Variants in GEMIN6 observed in about 807,000 individuals in gnomAD.
The protein encoded by GEMIN6 is gem nuclear organelle associated protein 6.
A neutral mutation model predicts 14.1 loss-of-function variants in GEMIN6; 13 were observed. That is an observed-to-expected ratio of 0.92 (90% confidence interval 0.60 to 1.46). The LOEUF (loss-of-function observed/expected upper bound fraction) is 1.46. GEMIN6 is among the 40% of genes most tolerant of loss of function. The pLI, the probability that GEMIN6 is intolerant of heterozygous loss-of-function variation, is 0.00. For missense variants in GEMIN6, 271 were observed against 202.4 expected (o/e 1.34, Z -2.06); for synonymous variants, 87 against 70.0 (o/e 1.24, Z -1.21).
intron 1 of GEMIN6, among the ~76,000 whole-genome samples, chr2:38,778,589 G>A (rs947366562): frequency 6.6e-6 from 1 of 152,196 alleles, no homozygotes; most frequent in Non-Finnish European, 1.5e-5. Flanking sequence ...AAGCAGAGTT[G>A]AAGGGTTTGA....
intron 2 of GEMIN6, chr2:38,779,477 C>T (rs1029230831): frequency 7.7e-6 from 2 of 258,956 alleles, no homozygotes; most frequent in Non-Finnish European, 1.5e-5. Flanking sequence ...AGGATCTGCC[C>T]ACCTTAGCGT....
Position 38,781,977 on chromosome 2 carries a change from G to T in GEMIN6, c.*85G>T. On this transcript the variant is annotated 3_prime_UTR_variant, in exon 3 of 3. Coordinates refer to ENST00000281950, the MANE Select transcript of GEMIN6 (RefSeq NM_024775.10). ...GTTTTAAATGTAAATGTACATGACT[G>T]TGTGTGTGTATGTGTGTGTGTGTAT... The T allele has an allele frequency of 7.8e-7, 1 of 1,277,222 alleles. No individual in the cohort carries two copies. Among genetic ancestry groups the T allele is most frequent in the Non-Finnish European group, 1.1e-6 (1 of 920,592 alleles). 79.1% of individuals were successfully genotyped at this position (1,277,222 alleles called of 1,614,324 possible).
intron 2 of GEMIN6, chr2:38,779,515 T>TCA (rs370332383): frequency 4.2e-4 from 90 of 214,424 alleles, no homozygotes; most frequent in African/African-American, 2.0e-3. Context: ...ACAGGCTGAG[T>TCA]CACTGTACCC....
chr2:38,778,899 A>T, intron 1 of GEMIN6, 73 bp from the exon 2 acceptor site: 1 of 1,307,240 alleles, frequency 7.6e-7, no homozygotes, highest in East Asian at 2.4e-5. Flanking sequence ...TGTCTCTAGG[A>T]TAGGATGGAG....
At chr2:38,778,483 C>T (rs1378493454) in intron 1 of GEMIN6, among the ~76,000 whole-genome samples, 1 of 152,028 alleles carries the variant, frequency 6.6e-6, no homozygotes, top group African/African-American at 2.4e-5. Context: ...CGGGATCCAG[C>T]GGAGACACAG....
chr2:38,781,739 C>T lies in GEMIN6; in HGVS notation c.351C>T (p.Ile117=). Residue 117 remains isoleucine (I), a synonymous_variant, in exon 3 of 3, where the codon ATC becomes ATT. Coordinates refer to ENST00000281950, the MANE Select transcript of GEMIN6 (RefSeq NM_024775.10). ...GGCTTGAGAAGAACCACATCCCCAT[C>T]ACTGAACAGGGAGACGCTCCAAGGA... ...KKWLEKNHIP[I]TEQGDAPRTL... 1 of 1,614,190 alleles carries T rather than the reference C, an allele frequency of 6.2e-7. No homozygotes were observed.
At chr2:38,779,356 G>A (rs768914079) in intron 2 of GEMIN6, 17 of 417,158 alleles carry the variant, frequency 4.1e-5, no homozygotes, top group East Asian at 1.9e-4. Context: ...TTAGCCTCCC[G>A]AGTAGCTGGG....
rs1170559701 is a variant in GEMIN6 at position 38,781,551 on chromosome 2, A to C, written c.163A>C (p.Met55Leu). 3 of 1,613,638 alleles carry C rather than the reference A, an allele frequency of 1.9e-6. No homozygotes were observed. The highest frequency in any genetic ancestry group is 1.1e-5 in the South Asian group (1 of 90,920). Reference sequence around the variant, plus strand: ...TGTGAACTTCCTTGAAGATGGCAGCATGTCTGTGACCGGAATTATGGGACA... The same window carrying C: ...TGTGAACTTCCTTGAAGATGGCAGCCTGTCTGTGACCGGAATTATGGGACA... ...VLVNFLEDGS[M>L]SVTGIMGHAV... Residue 55 changes from methionine (M) to leucine (L), a missense_variant, in exon 3 of 3, where the codon ATG (methionine) becomes CTG (leucine). Met to Leu is a conservative substitution (Grantham distance 15). Transcript: ENST00000281950.
Position 38,781,946 on chromosome 2 carries a change from TA to T in GEMIN6, c.*58del, listed in dbSNP as rs2148514290. ...GAAAAAGACTATATTTTATCCCTCA[TA>T]AAATGTTTTAAATGTAAATGTACAT... On this transcript the variant is annotated 3_prime_UTR_variant, in exon 3 of 3. Coordinates refer to ENST00000281950, the MANE Select transcript of GEMIN6 (RefSeq NM_024775.10). 1 of 1,476,426 alleles carries T rather than the reference TA, an allele frequency of 6.8e-7. No homozygotes were observed. The highest frequency in any genetic ancestry group is 1.3e-5 in the South Asian group (1 of 75,012). 91.5% of individuals were successfully genotyped at this position (1,476,426 alleles called of 1,614,324 possible). A position where few individuals can be genotyped will look rare whatever the true frequency, so the allele number is the denominator to read the frequency against.
At chr2:38,781,299 G>A (rs1669079925) in intron 2 of GEMIN6, among the ~76,000 whole-genome samples, 2 of 152,168 alleles carry the variant, frequency 1.3e-5, no homozygotes, top group Admixed American at 1.3e-4. Flanking sequence ...CACATTTAAG[G>A]CATTCATAAC....
In GEMIN6 at chr2:38,782,796, CAAAA is replaced by C. The variant is rs879579544; in HGVS notation, c.*918_*921del. On this transcript the variant is annotated 3_prime_UTR_variant, in exon 3 of 3. Transcript: ENST00000281950. ...TGGGTGACAGAGCGAGACTCCGTCT[CAAAA>C]AAAAAAAAAAAAATTATTGGAACAC... The C allele has an allele frequency of 4.1e-4, 37 of 91,124 alleles. 1 individual carries two copies. Among genetic ancestry groups the C allele is most frequent in the African/African-American group, 1.2e-3 (29 of 24,120 alleles). 5.6% of individuals were successfully genotyped at this position (91,124 alleles called of 1,614,324 possible).
At position 38,779,058 on chromosome 2, in the gene GEMIN6, C is replaced by T. The variant is rs1483512337; in HGVS notation, c.68C>T (p.Thr23Ile). 3.5e-5 allele frequency: 56 copies of T among 1,613,752 alleles called. No homozygotes were observed. Among genetic ancestry groups the T allele is most frequent in the Non-Finnish European group, 4.6e-5 (54 of 1,179,810 alleles). ...QDYIYKEVRVTASEKNEYKGW... is the reference protein window; with the variant it reads ...QDYIYKEVRVIASEKNEYKGW... ...TACATTTACAAAGAGGTCCGAGTGA[C>T]AGCCAGTGAGAAGAATGAGTATAAA... The change falls in exon 2 of 3, where the codon ACA becomes ATA. Residue 23 changes from threonine to isoleucine, a missense_variant. Thr to Ile is a moderately conservative substitution (Grantham distance 89). Transcript: ENST00000281950.
chr2:38,778,500 A>G (rs1417313188), intron 1 of GEMIN6, among the ~76,000 whole-genome samples: 1 of 152,172 alleles, frequency 6.6e-6, no homozygotes, highest in Non-Finnish European at 1.5e-5. Context: ...ACAGAGCCAG[A>G]GAGCGCGTGG....
chr2:38,781,632 C>A lies in GEMIN6; in HGVS notation c.244C>A (p.Leu82Met). 2 of 1,614,186 alleles carry A rather than the reference C, an allele frequency of 1.2e-6. No individual in the cohort carries two copies. Among genetic ancestry groups the A allele is most frequent in the Non-Finnish European group, 1.7e-6 (2 of 1,180,038 alleles). ...AGGGGACCATAGAGTGAGGGAGAAG[C>A]TGATGCATTTGTTCACGTCTGGAGA... ...NEGDHRVREKLMHLFTSGDCK... is the reference protein window; with the variant it reads ...NEGDHRVREKMMHLFTSGDCK... Residue 82 changes from leucine (L) to methionine (M), a missense_variant, in exon 3 of 3, where the codon CTG becomes ATG. Transcript: ENST00000281950.
rs1422069930 is a variant in GEMIN6, at chr2:38,783,694, T to G, written c.*1802T>G. ...TACAGGCCCTGATAACATAGCTATT[T>G]TCCTGCATAGTTGTCTAATAACAAG... On this transcript the variant is annotated 3_prime_UTR_variant, in exon 3 of 3. Coordinates refer to ENST00000281950, the MANE Select transcript of GEMIN6 (RefSeq NM_024775.10). 6.6e-6 allele frequency: 1 copy of G among 152,160 alleles called. No individual in the cohort carries two copies. The highest frequency in any genetic ancestry group is 1.9e-4 in the East Asian group (1 of 5,202). The allele number at this position is 152,160 out of a possible 1,614,324, so 9.4% of individuals were successfully genotyped here. A position where few individuals can be genotyped will look rare whatever the true frequency, so the allele number is the denominator to read the frequency against.
At chr2:38,780,586 C>T (rs1248930787) in intron 2 of GEMIN6, among the ~76,000 whole-genome samples, 1 of 151,196 alleles carries the variant, frequency 6.6e-6, no homozygotes, top group African/African-American at 2.4e-5. Context: ...AATCCACCCA[C>T]CTGACCTCCC....
chr2:38,781,594 A>C lies in GEMIN6; in HGVS notation c.206A>C (p.Glu69Ala), dbSNP rs146267061. 6.8e-6 allele frequency: 11 copies of C among 1,614,088 alleles called. No individual in the cohort carries two copies. In the African/African-American group the frequency reaches 1.5e-4, roughly 22 times the overall value. ...ATGGGACATGCTGTGCAGACTGTTG[A>C]AACTATGAATGAAGGGGACCATAGA... ...GIMGHAVQTVETMNEGDHRVR... is the reference protein window; with the variant it reads ...GIMGHAVQTVATMNEGDHRVR... Residue 69 changes from glutamate (E) to alanine (A), a missense_variant, in exon 3 of 3, where the codon GAA (glutamate) becomes GCA (alanine). Physicochemically the swap from Glu to Ala is moderately radical, Grantham distance 107. Transcript: ENST00000281950.
At chr2:38,779,648 ATATATATATATATATATTTTTTTTTT>A (rs1366141693) in intron 2 of GEMIN6, among the ~76,000 whole-genome samples, 1 of 23,680 alleles carries the variant, frequency 4.2e-5, no homozygotes, top group African/African-American at 1.0e-4. Context: ...ATATATATAT[ATATATATATATATATATTTTTTTTTT>A]TTTTTTTTTT....
chr2:38,782,417 T>A lies in GEMIN6; in HGVS notation c.*525T>A, dbSNP rs1669111173. 6.6e-6 allele frequency: 1 copy of A among 152,442 alleles called. No individual in the cohort carries two copies. Among genetic ancestry groups the A allele is most frequent in the African/African-American group, 2.4e-5 (1 of 41,430 alleles). 9.4% of individuals were successfully genotyped at this position (152,442 alleles called of 1,614,324 possible). A position where few individuals can be genotyped will look rare whatever the true frequency, so the allele number is the denominator to read the frequency against. On this transcript the variant is annotated 3_prime_UTR_variant, in exon 3 of 3. Transcript: ENST00000281950. ...CAAGAAAAGCATTTGGAAAAAAATG[T>A]AACATGTTAGATTCAATATAAAATA...
Sources: allele counts gnomAD v4.1 joint callset (sites outside exome capture counted in the v4.1 genomes callset), GRCh38; gene constraint gnomAD v4.1.1; transcripts MANE v1.5; gene names NCBI Gene and HGNC (gene_info 2026-07-23, HGNC 2026-07-21).